Variants in TMEM131 observed in about 807,000 individuals in gnomAD.
TMEM131 encodes the protein transmembrane protein 131.
Under a neutral mutation model 211.6 loss-of-function variants are expected in TMEM131, and 66 were observed. The observed-to-expected ratio is 0.31, with a 90% confidence interval of 0.26 to 0.38. The LOEUF is 0.38. Ranked by LOEUF, TMEM131 falls within the 10% of genes least tolerant of loss-of-function variation. The probability of loss-of-function intolerance (pLI) is 1.00; values close to 1 mark genes in which losing one functional copy is unlikely to be tolerated. For missense variants in TMEM131, 2,036 were observed against 2,299.3 expected, an observed-to-expected ratio of 0.89 and a Z score of 2.34; for synonymous variants, 844 against 841.3, an observed-to-expected ratio of 1.00 and a Z score of -0.06.
chr2:97,965,022 T>C (rs1262320759), intron 1 of TMEM131, among the ~76,000 whole-genome samples: 1 of 152,206 alleles, frequency 6.6e-6, no homozygotes, highest in Non-Finnish European at 1.5e-5. Context: ...AGTCTCCTTA[T>C]TGCCTTCATG....
chr2:97,987,294 T>C (rs534715400), intron 1 of TMEM131, among the ~76,000 whole-genome samples: 7 of 152,260 alleles, frequency 4.6e-5, no homozygotes, highest in African/African-American at 1.7e-4. Flanking sequence ...AGGTGGATCA[T>C]GAGGTCAAGA....
At chr2:97,905,914 C>T (rs1433599719) in intron 3 of TMEM131, among the ~76,000 whole-genome samples, 1 of 152,202 alleles carries the variant, frequency 6.6e-6, no homozygotes, top group Admixed American at 6.5e-5. Context: ...CCGTTAAACA[C>T]ACCCAAATAC....
intron 1 of TMEM131, among the ~76,000 whole-genome samples, chr2:97,990,591 T>G (rs950185858): frequency 6.6e-6 from 1 of 152,208 alleles, no homozygotes; most frequent in South Asian, 2.1e-4. Flanking sequence ...CTGAAAATCT[T>G]AAAATCAAAA....
Position 97,859,292 on chromosome 2 carries a change from A to T in TMEM131, c.483+12T>A. 6.3e-7 allele frequency: 1 copy of T among 1,589,560 alleles called. No individual in the cohort carries two copies. Among genetic ancestry groups the T allele is most frequent in the African/African-American group, 1.4e-5 (1 of 73,324 alleles). On this transcript the variant is annotated intron_variant, in intron 5 of 40. Coordinates refer to ENST00000186436, the MANE Select transcript of TMEM131 (RefSeq NM_015348.2). ...AAACTCAGGAAAGATCATGTATAGC[A>T]GAGAAACTTACCCTATTTTGAAAAA...
At chr2:97,844,295 G>A in intron 5 of TMEM131, 34 bp from the exon 6 acceptor site, 2 of 810,522 alleles carry the variant, frequency 2.5e-6, no homozygotes, top group East Asian at 3.2e-5. Context: ...TTTGTAACAA[G>A]AAAAAAAATT....
chr2:97,954,250 A>C (rs1654481545), intron 1 of TMEM131, among the ~76,000 whole-genome samples: 1 of 152,256 alleles, frequency 6.6e-6, no homozygotes, highest in African/African-American at 2.4e-5. Context: ...AAAAATAATC[A>C]AAACTGAAAA....
intron 1 of TMEM131, among the ~76,000 whole-genome samples, chr2:97,932,545 A>C (rs1677273458): frequency 6.6e-6 from 1 of 152,246 alleles, no homozygotes; most frequent in Admixed American, 6.5e-5. Context: ...TATACCATAC[A>C]TCTAAAAAGA....
At chr2:97,828,938 G>A (rs549603186) in intron 11 of TMEM131, among the ~76,000 whole-genome samples, 2 of 152,140 alleles carry the variant, frequency 1.3e-5, no homozygotes, top group African/African-American at 2.4e-5. Context: ...CTCTACGATC[G>A]AGGCCATCAA....
intron 1 of TMEM131, among the ~76,000 whole-genome samples, chr2:97,956,148 A>G (rs554588402): frequency 6.6e-6 from 1 of 152,354 alleles, no homozygotes; most frequent in East Asian, 1.9e-4. Flanking sequence ...CATTGCCAAA[A>G]TGACATGCAC....
intron 4 of TMEM131, among the ~76,000 whole-genome samples, chr2:97,879,255 G>A (rs924614745): frequency 1.3e-5 from 2 of 152,176 alleles, no homozygotes; most frequent in African/African-American, 2.4e-5. Context: ...GAGAGAATAA[G>A]CCAATACATA....
At position 97,921,731 on chromosome 2, in the gene TMEM131, C is replaced by G. The variant is rs148734211; in HGVS notation, c.249+5695G>C. On this transcript the variant is annotated intron_variant, in intron 2 of 40. Transcript: ENST00000186436. ...ATGGGAAAAAAGACATGCAAACCAA[C>G]AGCAAAATGGGTAAAAGACTTAACG... Among the ~76,000 whole-genome samples the G allele has an allele frequency of 1.4e-3, 212 of 152,166 alleles. 1 individual carries two copies. The highest frequency in any genetic ancestry group is 4.8e-3 in the African/African-American group (201 of 41,524).
Position 97,792,640 on chromosome 2 carries a change from G to A in TMEM131, c.3890C>T (p.Pro1297Leu), listed in dbSNP as rs200135228. The change falls in exon 31 of 41, where the codon CCG becomes CTG. Residue 1297 changes from proline to leucine, a missense_variant. This residue lies in a region of TMEM131 where 1,623 missense variants were observed against 1,805.9 expected (regional missense o/e 0.90). Coordinates refer to ENST00000186436, the MANE Select transcript of TMEM131 (RefSeq NM_015348.2). ...QHGSQHHAHSPLEQHPQPPLP... is the reference protein window; with the variant it reads ...QHGSQHHAHSLLEQHPQPPLP... ...AGGAGGCTGAGGGTGCTGCTCCAGCGGGCTGTGGGCATGGTGCTGGCTGCC... is the reference window on the plus strand; with the variant it reads ...AGGAGGCTGAGGGTGCTGCTCCAGCAGGCTGTGGGCATGGTGCTGGCTGCC... The A allele has an allele frequency of 5.0e-6, 8 of 1,613,552 alleles. No homozygotes were observed. The highest frequency in any genetic ancestry group is 1.6e-4 in the Middle Eastern group (1 of 6,084).
intron 1 of TMEM131, among the ~76,000 whole-genome samples, chr2:97,993,827 T>C (rs1392660311): frequency 6.6e-6 from 1 of 152,218 alleles, no homozygotes; most frequent in Non-Finnish European, 1.5e-5. Context: ...AACAAAAGGT[T>C]TGTTTACTTA....
At chr2:97,974,688 G>A (rs542771986) in intron 1 of TMEM131, among the ~76,000 whole-genome samples, 1 of 151,702 alleles carries the variant, frequency 6.6e-6, no homozygotes, top group Non-Finnish European at 1.5e-5. Context: ...TGGGAAGACA[G>A]TATCTCTTTA....
At chr2:97,770,903 C>T (rs958753698) in intron 33 of TMEM131, among the ~76,000 whole-genome samples, 2 of 152,128 alleles carry the variant, frequency 1.3e-5, no homozygotes, top group African/African-American at 4.8e-5. Context: ...ACTTATTAGC[C>T]TCATTTACTT....
Position 97,906,454 on chromosome 2 carries a change from A to G in TMEM131, c.290+2204T>C, listed in dbSNP as rs117551151. Among the ~76,000 whole-genome samples the G allele has an allele frequency of 5.6e-4, 86 of 152,266 alleles. No individual in the cohort carries two copies. In the East Asian group the frequency reaches 0.015, roughly 27 times the overall value. On this transcript the variant is annotated intron_variant, in intron 3 of 40. Coordinates refer to ENST00000186436, the MANE Select transcript of TMEM131 (RefSeq NM_015348.2). ...AGTAGGTACGGAGCTCTTTCTCCCCACCCTTATCTTGAATCTAGGCCAATC... is the reference window on the plus strand; with the variant it reads ...AGTAGGTACGGAGCTCTTTCTCCCCGCCCTTATCTTGAATCTAGGCCAATC...
intron 38 of TMEM131, chr2:97,760,266 C>T (rs945697828): frequency 2.5e-5 from 8 of 321,526 alleles, no homozygotes; most frequent in East Asian, 2.0e-4. Flanking sequence ...AAGTCACTTT[C>T]GCTCTTCTAT....
Position 97,757,177 on chromosome 2 carries a change from C to G in TMEM131, c.5574G>C (p.Pro1858=). Residue 1858 remains proline (P), a synonymous_variant, in exon 41 of 41, where the codon CCG becomes CCC. Coordinates refer to ENST00000186436, the MANE Select transcript of TMEM131 (RefSeq NM_015348.2). Reference sequence around the variant, plus strand: ...CAATCGTGGGGCTCCATATCCGCCACGGGTTGTAGGTCTGTCCCAAGTCGT... The same window carrying G: ...CAATCGTGGGGCTCCATATCCGCCAGGGGTTGTAGGTCTGTCCCAAGTCGT... ...PADDLGQTYN[P]WRIWSPTIGR... 2 of 1,613,900 alleles carry G rather than the reference C, an allele frequency of 1.2e-6. No homozygotes were observed. The highest frequency in any genetic ancestry group is 2.7e-5 in the African/African-American group (2 of 75,028).
chr2:97,868,768 A>T (rs1277651256), intron 4 of TMEM131, among the ~76,000 whole-genome samples: 1 of 152,212 alleles, frequency 6.6e-6, no homozygotes, highest in Non-Finnish European at 1.5e-5. Flanking sequence ...GTCTGTAAGA[A>T]CATATTTGGA....
Sources: gnomAD v4.1 joint callset for allele counts (sites outside exome capture counted in the v4.1 genomes callset) on GRCh38, gnomAD v4.1.1 for gene constraint, gnomAD v4.1.1 regional missense constraint, MANE v1.5 for transcripts, NCBI Gene and HGNC (gene_info 2026-07-23, HGNC 2026-07-21) for gene names.